The following RPS6KA2 variants were observed in gnomAD, a reference collection of about 807,000 sequenced individuals.
RPS6KA2 encodes the protein ribosomal protein S6 kinase alpha-2.
RPS6KA2 carries 42 observed loss-of-function variants against 91.8 expected under a neutral mutation model. The observed-to-expected ratio is 0.46, with a 90% confidence interval of 0.36 to 0.59. The LOEUF (loss-of-function observed/expected upper bound fraction) is 0.59. RPS6KA2 is among the 20% of genes least tolerant of loss of function. The pLI, the probability that RPS6KA2 is intolerant of heterozygous loss-of-function variation, is 0.00. For synonymous variants in RPS6KA2, 414 were observed against 393.6 expected (o/e 1.05, Z -0.61); for missense variants, 798 against 978.5 (o/e 0.82, Z 2.46).
chr6:166,438,441 A>G (rs1779414693), intron 14 of RPS6KA2, among the ~76,000 whole-genome samples: 1 of 152,256 alleles, frequency 6.6e-6, no homozygotes, highest in Non-Finnish European at 1.5e-5. Context: ...CAGCTGGGTG[A>G]CACATATTCT....
chr6:166,433,005 A>AT lies in RPS6KA2; in HGVS notation c.1333-516_1333-515insA. ...GCGAGACTCTGTCTCAAAAAAAAAA[A>AT]AAAAAAAGGAGTACAAGACTTCAGA... is the stretch of plus-strand genomic sequence containing the variant. On this transcript the variant is annotated intron_variant, in intron 14 of 20. Transcript: ENST00000265678. This position sits in a 1 kb window ranked among gnomAD's most constrained non-coding sequence, Gnocchi z 4.4. Among the ~76,000 whole-genome samples the AT allele has an allele frequency of 6.6e-6, 1 of 151,916 alleles. No homozygotes were observed. Among genetic ancestry groups the AT allele is most frequent in the African/African-American group, 2.4e-5 (1 of 41,424 alleles).
intron 8 of RPS6KA2, among the ~76,000 whole-genome samples, chr6:166,492,674 G>A (rs1781633911): frequency 6.6e-6 from 1 of 151,848 alleles, no homozygotes. Flanking sequence ...TTTTGCTGAT[G>A]GACTGGTATC....
chr6:166,648,179 CACATGCACACAT>C lies in RPS6KA2; in HGVS notation c.124-109407_124-109396del, dbSNP rs1787721099. On this transcript the variant is annotated intron_variant, in intron 2 of 21. Coordinates refer to the RPS6KA2 transcript ENST00000503859. The surrounding 1 kb of genome is among the most constrained non-coding windows in gnomAD (Gnocchi z 4.8). ...ACACACCCATGCACACATGCTCACACACATGCACACATGCTCATACACACACTCATGCACACA... is the reference window on the plus strand; with the variant it reads ...ACACACCCATGCACACATGCTCACACGCTCATACACACACTCATGCACACA... Among the ~76,000 whole-genome samples, 1 of 150,928 alleles carries C rather than the reference CACATGCACACAT, an allele frequency of 6.6e-6. No homozygotes were observed. The highest frequency in any genetic ancestry group is 2.4e-5 in the African/African-American group (1 of 40,856).
At chr6:166,696,565 C>A (rs2128573491) in intron 2 of RPS6KA2, among the ~76,000 whole-genome samples, 1 of 152,308 alleles carries the variant, frequency 6.6e-6, no homozygotes, top group South Asian at 2.1e-4. Flanking sequence ...TGTTTATCAG[C>A]TGAAACGGTC....
chr6:166,519,817 A>C (rs1018009879), intron 3 of RPS6KA2, among the ~76,000 whole-genome samples: 2 of 152,162 alleles, frequency 1.3e-5, no homozygotes, highest in African/African-American at 4.8e-5. Context: ...TTTTTAAATG[A>C]TCTCCACCAA....
At chr6:166,717,261 A>T (rs4709129) in intron 2 of RPS6KA2, among the ~76,000 whole-genome samples, 128,800 of 152,190 alleles carry the variant, frequency 0.85, 54,953 homozygotes, top group East Asian at 0.96. Flanking sequence ...CAAAGAGGTT[A>T]CCAAAAACAG....
rs1215127756 is a variant in RPS6KA2, at chr6:166,648,815, G to A, written c.124-110031C>T. ...CTGTGACTGTCCGACTCAAAACATCGGTGCCTGGCACAGGAAGCATCTCAT... is the reference window on the plus strand; with the variant it reads ...CTGTGACTGTCCGACTCAAAACATCAGTGCCTGGCACAGGAAGCATCTCAT... On this transcript the variant is annotated intron_variant, in intron 2 of 21. Transcript: ENST00000503859. The surrounding 1 kb of genome is among the most constrained non-coding windows in gnomAD (Gnocchi z 4.8). Among the ~76,000 whole-genome samples the A allele has an allele frequency of 1.3e-5, 2 of 151,996 alleles. No homozygotes were observed. Among genetic ancestry groups the A allele is most frequent in the Non-Finnish European group, 1.5e-5 (1 of 67,998 alleles).
At chr6:166,571,938 A>G (rs1784701171) in intron 1 of RPS6KA2, among the ~76,000 whole-genome samples, 1 of 152,218 alleles carries the variant, frequency 6.6e-6, no homozygotes, top group African/African-American at 2.4e-5. Context: ...CATTATTTAT[A>G]GTGAAGAACA....
intron 2 of RPS6KA2, among the ~76,000 whole-genome samples, chr6:166,717,962 C>T (rs956020524): frequency 2.0e-5 from 3 of 151,922 alleles, no homozygotes; most frequent in Non-Finnish European, 2.9e-5. Context: ...GATTCTCCTG[C>T]GTCAGCCTCC....
At position 166,490,670 on chromosome 6, in the gene RPS6KA2, C is replaced by T; in HGVS notation, c.818+1G>A. On this transcript the variant is annotated splice_donor_variant, in intron 9 of 20. Transcript: ENST00000265678. LOFTEE classifies it high-confidence loss of function. This position sits in a 1 kb window ranked among gnomAD's most constrained non-coding sequence, Gnocchi z 4.2. The stretch of plus-strand genomic sequence containing the variant: ...TCTGGGGTGGCTCCCACACTACTCA[C>T]TTGAGGATGAGAGCCATGGTCTCCT... 1 of 1,608,104 alleles carries T rather than the reference C, an allele frequency of 6.2e-7. No homozygotes were observed. The highest frequency in any genetic ancestry group is 8.5e-7 in the Non-Finnish European group (1 of 1,176,248).
chr6:166,501,619 C>A (rs1782031070), intron 6 of RPS6KA2, among the ~76,000 whole-genome samples: 1 of 152,210 alleles, frequency 6.6e-6, no homozygotes, highest in African/African-American at 2.4e-5. Context: ...GTGAACCCTG[C>A]ATAGAGAATG....
At chr6:166,751,085 C>T (rs543401860) in intron 2 of RPS6KA2, among the ~76,000 whole-genome samples, 6 of 152,326 alleles carry the variant, frequency 3.9e-5, no homozygotes, top group South Asian at 2.1e-4. Context: ...GCAGTGCCCC[C>T]GAGCTGCAGG....
chr6:166,620,669 C>T (rs750468541), intron 1 of RPS6KA2, among the ~76,000 whole-genome samples: 1 of 152,194 alleles, frequency 6.6e-6, no homozygotes, highest in Non-Finnish European at 1.5e-5. Context: ...GTGCAAGAAC[C>T]TTTACAGATA....
intron 2 of RPS6KA2, among the ~76,000 whole-genome samples, chr6:166,532,824 T>TGA (rs1783331147): frequency 2.1e-5 from 3 of 145,124 alleles, no homozygotes; most frequent in African/African-American, 8.4e-5. Context: ...ATGTGTGGAG[T>TGA]GTGAGAGAGA....
At chr6:166,611,137 A>C (rs1039961005) in intron 1 of RPS6KA2, among the ~76,000 whole-genome samples, 2 of 152,224 alleles carry the variant, frequency 1.3e-5, no homozygotes, top group Non-Finnish European at 1.5e-5. Context: ...GGTAAAACTG[A>C]AAAAGCATTT....
chr6:166,461,247 A>T (rs1291412342), intron 11 of RPS6KA2, among the ~76,000 whole-genome samples: 1 of 152,130 alleles, frequency 6.6e-6, no homozygotes, highest in Non-Finnish European at 1.5e-5. Flanking sequence ...GTTACTCTTC[A>T]AGCCATTTTC....
At chr6:166,519,114 G>A (rs568538312) in intron 3 of RPS6KA2, among the ~76,000 whole-genome samples, 9 of 152,340 alleles carry the variant, frequency 5.9e-5, no homozygotes, top group African/African-American at 1.4e-4. Flanking sequence ...CGTTCAAGCC[G>A]CCTCTTTGAC....
chr6:166,588,622 A>G (rs954862373), intron 1 of RPS6KA2, among the ~76,000 whole-genome samples: 1 of 152,214 alleles, frequency 6.6e-6, no homozygotes, highest in Admixed American at 6.5e-5. Context: ...TTGCATGTAC[A>G]TAATTCCTAT....
chr6:166,474,832 C>T (rs933580979), intron 10 of RPS6KA2, among the ~76,000 whole-genome samples: 3 of 152,148 alleles, frequency 2.0e-5, no homozygotes, highest in East Asian at 3.9e-4. Flanking sequence ...CACCCACAAC[C>T]GCGAGCCTCT....
Sources: gnomAD v4.1 joint callset for allele counts (sites outside exome capture counted in the v4.1 genomes callset) on GRCh38, gnomAD v4.1.1 for gene constraint, Gnocchi (gnomAD v3.1) non-coding constraint, MANE v1.5 for transcripts, NCBI Gene and HGNC (gene_info 2026-07-23, HGNC 2026-07-21) for gene names.